GRK3: variants seen among roughly 807,000 people sequenced by gnomAD.
GRK3 encodes the protein adrenergic, beta, receptor kinase 2.
A neutral mutation model predicts 95.7 loss-of-function variants in GRK3; 54 were observed. The observed-to-expected ratio is 0.56, with a 90% CI of 0.45 to 0.71. The LOEUF (loss-of-function observed/expected upper bound fraction) is 0.71, where lower values mean the gene tolerates loss of function less well. Among genes scored for constraint, GRK3 ranks in the 30% least tolerant of loss-of-function variants. The pLI, the probability that GRK3 is intolerant of heterozygous loss-of-function variation, is 0.00. For synonymous variants in GRK3, 281 were observed against 290.8 expected (o/e 0.97, Z 0.34); for missense variants, 649 against 851.2 (o/e 0.76, Z 2.96).
chr22:25,705,538 G>A (rs1183929177), intron 15 of GRK3, among the ~76,000 whole-genome samples: 2 of 152,030 alleles, frequency 1.3e-5, no homozygotes, highest in Non-Finnish European at 2.9e-5. Flanking sequence ...CAAAAATGTT[G>A]TTCATTACAA....
rs575634649 is a variant in GRK3, at chr22:25,644,474, A to T, written c.191-118A>T. On this transcript the variant is annotated intron_variant, in intron 2 of 20. Coordinates refer to ENST00000324198, the MANE Select transcript of GRK3 (RefSeq NM_005160.4). Reference sequence around the variant, plus strand: ...ACTAGCTTCTTGAAATCTTTTTTTTAAAAAAAAAAGTAGAGGAGGAAGAGG... The same window carrying T: ...ACTAGCTTCTTGAAATCTTTTTTTTTAAAAAAAAAGTAGAGGAGGAAGAGG... The T allele has an allele frequency of 2.6e-3, 863 of 326,644 alleles. 3 individuals carry two copies. The highest frequency in any genetic ancestry group is 7.9e-3 in the African/African-American group (359 of 45,310). 20.2% of individuals were successfully genotyped at this position (326,644 alleles called of 1,614,324 possible).
chr22:25,674,940 C>G (rs963755817), intron 8 of GRK3, among the ~76,000 whole-genome samples: 11 of 151,618 alleles, frequency 7.3e-5, no homozygotes, highest in African/African-American at 2.7e-4. Context: ...GAGCAAAACT[C>G]TGTCTTGGAA....
intron 19 of GRK3, 123 bp from the exon 20 acceptor site, chr22:25,721,161 C>A: frequency 5.8e-6 from 3 of 518,546 alleles, no homozygotes; most frequent in Admixed American, 8.1e-5. Flanking sequence ...TCTAGAATAC[C>A]ATCAAAGAAA....
At chr22:25,670,881 C>CAAAAAAAAAAAA (rs71191074) in intron 6 of GRK3, among the ~76,000 whole-genome samples, 1 of 65,664 alleles carries the variant, frequency 1.5e-5, no homozygotes, top group African/African-American at 5.6e-5. Context: ...ACTAAAAATA[C>CAAAAAAAAAAAA]AAAAAAAAAA....
At chr22:25,642,742 T>A (rs1237970245) in intron 2 of GRK3, among the ~76,000 whole-genome samples, 1 of 152,226 alleles carries the variant, frequency 6.6e-6, no homozygotes, top group African/African-American at 2.4e-5. Flanking sequence ...TCTGACTGAC[T>A]TCACTTAGGA....
At chr22:25,661,149 C>T (rs1478483420) in intron 3 of GRK3, among the ~76,000 whole-genome samples, 1 of 152,050 alleles carries the variant, frequency 6.6e-6, no homozygotes, top group East Asian at 1.9e-4. Context: ...TTTTTTCCTC[C>T]TTGTAGTTTT....
At chr22:25,611,164 C>T (rs2084494522) in intron 2 of GRK3, among the ~76,000 whole-genome samples, 1 of 152,170 alleles carries the variant, frequency 6.6e-6, no homozygotes, top group Non-Finnish European at 1.5e-5. Context: ...GTCCGGCCTA[C>T]AGAGCACACT....
intron 6 of GRK3, among the ~76,000 whole-genome samples, chr22:25,671,815 C>T (rs1242362684): frequency 1.3e-5 from 2 of 152,158 alleles, no homozygotes; most frequent in African/African-American, 4.8e-5. Context: ...AATATGGTAG[C>T]CAGTAGCCAG....
chr22:25,626,676 G>A (rs2084630498), intron 2 of GRK3, among the ~76,000 whole-genome samples: 1 of 152,228 alleles, frequency 6.6e-6, no homozygotes, highest in South Asian at 2.1e-4. Context: ...GAAACCATCT[G>A]ATTGCTCTAG....
chr22:25,635,041 G>A (rs919496361), intron 2 of GRK3, among the ~76,000 whole-genome samples: 5 of 152,138 alleles, frequency 3.3e-5, no homozygotes, highest in East Asian at 1.9e-4. Context: ...CTTGCGGCCC[G>A]CGGGCTGCAT....
intron 1 of GRK3, among the ~76,000 whole-genome samples, chr22:25,580,735 A>G (rs1229967151): frequency 1.3e-5 from 2 of 152,092 alleles, no homozygotes; most frequent in Non-Finnish European, 2.9e-5. Context: ...GGGTTTCACC[A>G]TGTTGGCCTG....
chr22:25,622,415 A>T (rs1194454697), intron 2 of GRK3, among the ~76,000 whole-genome samples: 3 of 152,104 alleles, frequency 2.0e-5, no homozygotes, highest in Non-Finnish European at 4.4e-5. Flanking sequence ...GCGCTTACAT[A>T]GGTTAGTTGT....
intron 1 of GRK3, among the ~76,000 whole-genome samples, chr22:25,592,131 A>G (rs746879445): frequency 2.0e-5 from 3 of 152,182 alleles, no homozygotes; most frequent in South Asian, 2.1e-4. Flanking sequence ...CAGTTACTCC[A>G]TATCCCTCCC....
At chr22:25,591,121 C>T (rs1384817394) in intron 1 of GRK3, among the ~76,000 whole-genome samples, 1 of 152,164 alleles carries the variant, frequency 6.6e-6, no homozygotes, top group East Asian at 1.9e-4. Flanking sequence ...GCCTGGCTGA[C>T]CACAAATTCA....
intron 5 of GRK3, among the ~76,000 whole-genome samples, chr22:25,666,400 ATGT>A (rs1186796687): frequency 3.3e-5 from 5 of 152,136 alleles, no homozygotes; most frequent in Admixed American, 1.3e-4. Flanking sequence ...GCTAAGATAG[ATGT>A]TGTGTGTTTC....
intron 1 of GRK3, among the ~76,000 whole-genome samples, chr22:25,590,761 C>T (rs1336578015): frequency 6.6e-6 from 1 of 152,040 alleles, no homozygotes; most frequent in Non-Finnish European, 1.5e-5. Flanking sequence ...GTGGAGGTTG[C>T]GCCACTGCAC....
chr22:25,692,020 G>A (rs2085168428), intron 12 of GRK3, among the ~76,000 whole-genome samples: 1 of 152,126 alleles, frequency 6.6e-6, no homozygotes, highest in African/African-American at 2.4e-5. Flanking sequence ...CTGGAGTACA[G>A]TGGTGTGATC....
intron 2 of GRK3, among the ~76,000 whole-genome samples, chr22:25,609,994 C>T (rs1418877725): frequency 1.3e-5 from 2 of 151,558 alleles, no homozygotes; most frequent in Non-Finnish European, 2.9e-5. Flanking sequence ...ATTACAGGCA[C>T]ACGCCACCAT....
chr22:25,644,473 T>TA (rs550989819), intron 2 of GRK3, 119 bp from the exon 3 acceptor site: 6,502 of 392,132 alleles, frequency 0.017, no homozygotes, highest in Non-Finnish European at 0.019. Context: ...ATCTTTTTTT[T>TA]AAAAAAAAAA....
Sources: gnomAD v4.1 joint callset for allele counts (sites outside exome capture counted in the v4.1 genomes callset) on GRCh38, gnomAD v4.1.1 for gene constraint, MANE v1.5 for transcripts, NCBI Gene and HGNC (gene_info 2026-07-23, HGNC 2026-07-21) for gene names.